STK3: variants seen among roughly 807,000 people sequenced by gnomAD.
STK3 encodes the protein serine/threonine kinase 3, also known as serine/threonine-protein kinase 3.
Under a neutral mutation model 58.0 loss-of-function variants are expected in STK3, and 41 were observed. The ratio of observed to expected loss-of-function variants is 0.71; its 90% CI spans 0.55 to 0.92. The LOEUF is 0.92. Among genes scored for constraint, STK3 ranks in the 40% least tolerant of loss-of-function variants. STK3 has a pLI of 0.00. For missense variants in STK3, 479 were observed against 602.7 expected (o/e 0.79, Z 2.15); for synonymous variants, 170 against 191.0 (o/e 0.89, Z 0.91).
rs917469073 is a variant in STK3 at position 98,427,772 on chromosome 8, C to T, written n.483+6355G>A. 1.8e-5 allele frequency: 10 copies of T among 551,528 alleles called. No homozygotes were observed. In the East Asian group the frequency reaches 2.9e-4, roughly 16 times the overall value. The allele number at this position is 551,528 out of a possible 1,614,324, so 34.2% of individuals were successfully genotyped here. A position where few individuals can be genotyped will look rare whatever the true frequency, so the allele number is the denominator to read the frequency against. On this transcript the variant is annotated intron_variant and non_coding_transcript_variant, in intron 3 of 3. Coordinates refer to the STK3 transcript ENST00000517832. ...TGTGCTAATAGAAACATACCCACCC[C>T]CAGCCTTTCCTGGGAGGGGATCAGA... is the stretch of plus-strand genomic sequence containing the variant.
chr8:98,836,833 T>C (rs942682310), intron 3 of STK3, among the ~76,000 whole-genome samples: 1 of 152,198 alleles, frequency 6.6e-6, no homozygotes, highest in African/African-American at 2.4e-5. Context: ...TTTTACACTT[T>C]TAAAAACTAT....
intron 9 of STK3, among the ~76,000 whole-genome samples, chr8:98,534,520 G>A (rs1563712709): frequency 2.0e-5 from 3 of 152,084 alleles, no homozygotes; most frequent in Admixed American, 6.6e-5. Flanking sequence ...ATATTTCAAC[G>A]ATCAATAAAT....
chr8:98,699,008 T>C (rs990486430), intron 6 of STK3, among the ~76,000 whole-genome samples: 31 of 152,256 alleles, frequency 2.0e-4, no homozygotes, highest in South Asian at 4.1e-4. Context: ...CACAGTGAGA[T>C]GAAGATCTGG....
downstream of STK3, among the ~76,000 whole-genome samples, chr8:98,369,041 G>T (rs926988868): frequency 1.3e-5 from 2 of 152,190 alleles, no homozygotes; most frequent in African/African-American, 4.8e-5. Flanking sequence ...TCCAGTGGAA[G>T]TTTTCTGCTC....
chr8:98,370,801 A>G (rs894581886), downstream of STK3, among the ~76,000 whole-genome samples: 2 of 152,214 alleles, frequency 1.3e-5, no homozygotes, highest in African/African-American at 4.8e-5. Flanking sequence ...CAAGGAGATG[A>G]GGTCTTGGGA....
intron 3 of STK3, among the ~76,000 whole-genome samples, chr8:98,416,567 G>T (rs546257357): frequency 1.6e-4 from 25 of 152,322 alleles, no homozygotes; most frequent in African/African-American, 5.1e-4. Flanking sequence ...AGGTGGGAGA[G>T]GGTCAGGAGA....
intron 4 of STK3, among the ~76,000 whole-genome samples, chr8:98,744,082 C>T (rs925950740): frequency 6.6e-6 from 1 of 152,176 alleles, no homozygotes; most frequent in Admixed American, 6.5e-5. Context: ...CAGGAAACAA[C>T]AGGTGCTGGA....
At chr8:98,652,796 T>C (rs1186563335) in intron 6 of STK3, among the ~76,000 whole-genome samples, 1 of 150,616 alleles carries the variant, frequency 6.6e-6, no homozygotes, top group East Asian at 1.9e-4. Flanking sequence ...CCTAAATATA[T>C]ATGCACCCAA....
intron 6 of STK3, among the ~76,000 whole-genome samples, chr8:98,620,924 G>GA (rs1491513041): frequency 8.2e-5 from 12 of 146,404 alleles, no homozygotes; most frequent in Non-Finnish European, 1.5e-4. Context: ...AAAAACAACT[G>GA]ATTTTTTTTT....
chr8:98,712,036 C>G (rs535436054), intron 4 of STK3, among the ~76,000 whole-genome samples: 182 of 152,244 alleles, frequency 1.2e-3, no homozygotes, highest in African/African-American at 4.1e-3. Context: ...CCAAACTAAG[C>G]TTCATAAGTG....
chr8:98,822,530 G>T (rs948050408), intron 1 of STK3, among the ~76,000 whole-genome samples: 4 of 152,120 alleles, frequency 2.6e-5, no homozygotes, highest in East Asian at 1.9e-4. Flanking sequence ...TAAAAAGATG[G>T]TATATAATCA....
Position 98,715,576 on chromosome 8 carries a change from A to G in STK3, c.352-8265T>C, listed in dbSNP as rs71515002. On this transcript the variant is annotated intron_variant, in intron 4 of 10. Coordinates refer to ENST00000419617, the MANE Select transcript of STK3 (RefSeq NM_006281.4). ...TCAGAGAAATGCAAATCAAAACCAC[A>G]ATGAGATACCATCTCACACCAGTTA... 3.6e-3 allele frequency among the ~76,000 whole-genome samples: 548 copies of G among 152,338 alleles called. 3 individuals are homozygous for G. The highest frequency in any genetic ancestry group is 6.2e-3 in the Non-Finnish European group (419 of 68,036).
chr8:98,713,116 C>T (rs2131124847), intron 4 of STK3, among the ~76,000 whole-genome samples: 1 of 152,246 alleles, frequency 6.6e-6, no homozygotes, highest in East Asian at 1.9e-4. Context: ...ACCAGAATCT[C>T]CGGGACACAT....
At chr8:98,887,820 G>A (rs147566623) in intron 1 of STK3, among the ~76,000 whole-genome samples, 1 of 152,300 alleles carries the variant, frequency 6.6e-6, no homozygotes, top group Non-Finnish European at 1.5e-5. Flanking sequence ...AAGAAGACCT[G>A]TTATGTAGGC....
chr8:98,905,795 G>A (rs1838874079), intron 1 of STK3: 2 of 384,842 alleles, frequency 5.2e-6, no homozygotes, highest in South Asian at 2.5e-5. Flanking sequence ...GTTTAATTGA[G>A]CAACGAACGA....
chr8:98,407,424 A>C (rs753968907), intron 3 of STK3, among the ~76,000 whole-genome samples: 3 of 152,210 alleles, frequency 2.0e-5, no homozygotes, highest in Non-Finnish European at 4.4e-5. Flanking sequence ...GTGAGGATAC[A>C]CCCAGCAGAG....
intron 3 of STK3, among the ~76,000 whole-genome samples, chr8:98,876,084 G>A (rs1312337895): frequency 2.0e-5 from 3 of 152,168 alleles, no homozygotes; most frequent in Admixed American, 2.0e-4. Flanking sequence ...GTTCAGTCTG[G>A]TTCCCCAGGA....
At chr8:98,581,279 T>C (rs755088663) in intron 7 of STK3, among the ~76,000 whole-genome samples, 5 of 152,178 alleles carry the variant, frequency 3.3e-5, no homozygotes, top group Non-Finnish European at 5.9e-5. Context: ...TTTTAGCTGA[T>C]TGGCGATGAA....
chr8:98,919,291 G>T (rs1005848593), intron 1 of STK3, among the ~76,000 whole-genome samples: 4 of 152,148 alleles, frequency 2.6e-5, no homozygotes, highest in Non-Finnish European at 4.4e-5. Context: ...ACTTGAGAGA[G>T]GTAATACATC....
Sources: gnomAD v4.1 joint callset for allele counts (sites outside exome capture counted in the v4.1 genomes callset) on GRCh38, gnomAD v4.1.1 for gene constraint, MANE v1.5 for transcripts, NCBI Gene and HGNC (gene_info 2026-07-23, HGNC 2026-07-21) for gene names.